The following TENM3 variants were observed in gnomAD, a reference collection of about 807,000 sequenced individuals.
TENM3 encodes teneurin transmembrane protein 3, also known as teneurin-3.
In TENM3, 63 loss-of-function variants were observed where a neutral mutation model predicts 255.1. The ratio of observed to expected loss-of-function variants is 0.25; its 90% confidence interval spans 0.20 to 0.30. TENM3 has a LOEUF of 0.30. Ranked by LOEUF, TENM3 falls within the 10% of genes least tolerant of loss-of-function variation. The pLI, the probability that TENM3 is intolerant of heterozygous loss-of-function variation, is 1.00. For synonymous variants in TENM3, 1,306 were observed against 1,322.3 expected (o/e 0.99, Z 0.27); for missense variants, 2,929 against 3,461.1 (o/e 0.85, Z 3.86).
the TENM3 span, among the ~76,000 whole-genome samples, chr4:181,711,934 G>A: frequency 7.9e-5 from 12 of 152,154 alleles, no homozygotes; most frequent in African/African-American, 2.7e-4. Context: ...AGCCTGGCCT[G>A]TGATCAGCTC....
At chr4:182,227,224 T>C (rs1020941318) in intron 1 of TENM3, among the ~76,000 whole-genome samples, 1 of 152,184 alleles carries the variant, frequency 6.6e-6, no homozygotes, top group African/African-American at 2.4e-5. Flanking sequence ...GAGTGGACAG[T>C]GCAGTACTGC....
intron 5 of TENM3, among the ~76,000 whole-genome samples, chr4:182,641,211 C>G (rs1363717468): frequency 1.3e-5 from 2 of 152,218 alleles, no homozygotes; most frequent in Non-Finnish European, 2.9e-5. Context: ...CAAACACACA[C>G]ACGTATACAC....
intron 3 of TENM3, among the ~76,000 whole-genome samples, chr4:182,429,716 C>T (rs980344033): frequency 3.9e-5 from 6 of 152,232 alleles, no homozygotes; most frequent in African/African-American, 1.2e-4. Context: ...TTGTATTAAC[C>T]ATGGTAATTC....
intron 1 of TENM3, among the ~76,000 whole-genome samples, chr4:182,168,233 C>G (rs149148496): frequency 4.9e-4 from 75 of 152,034 alleles, no homozygotes; most frequent in African/African-American, 1.8e-3. Context: ...CTCTGGGGCT[C>G]AAACAATTCT....
chr4:181,994,647 A>G, the TENM3 span, among the ~76,000 whole-genome samples: 2 of 150,192 alleles, frequency 1.3e-5, no homozygotes, highest in African/African-American at 4.9e-5. Context: ...AAATCTATAA[A>G]CTGAACATTT....
At chr4:182,510,276 T>G (rs1737256245) in intron 3 of TENM3, among the ~76,000 whole-genome samples, 1 of 152,174 alleles carries the variant, frequency 6.6e-6, no homozygotes, top group African/African-American at 2.4e-5. Context: ...TCATTTCCTC[T>G]CCATCAGTAC....
the TENM3 span, among the ~76,000 whole-genome samples, chr4:181,718,538 C>A: frequency 6.6e-6 from 1 of 152,136 alleles, no homozygotes; most frequent in Non-Finnish European, 1.5e-5. Context: ...AATGCCACAG[C>A]TAGTAAGAGA....
chr4:181,835,209 A>G, the TENM3 span: 1 of 152,222 alleles, frequency 6.6e-6, no homozygotes, highest in Non-Finnish European at 1.5e-5. Context: ...GAAGGGTTAT[A>G]TGTACTCTGA....
intron 1 of TENM3, among the ~76,000 whole-genome samples, chr4:182,219,946 G>T (rs766111712): frequency 7.2e-5 from 11 of 152,254 alleles, no homozygotes; most frequent in East Asian, 3.9e-4. Context: ...GCCTCTGTAT[G>T]TATTTGGTTT....
At chr4:181,476,205 G>GTTTTTTTTTTTTTTTTTTT in the TENM3 span, among the ~76,000 whole-genome samples, 1 of 98,016 alleles carries the variant, frequency 1.0e-5, no homozygotes, top group African/African-American at 2.9e-5. Flanking sequence ...ACATTTTAGG[G>GTTTTTTTTTTTTTTTTTTT]GTTTTTTTTT....
chr4:182,755,700 C>T (rs768510784), intron 22 of TENM3, among the ~76,000 whole-genome samples: 48 of 152,106 alleles, frequency 3.2e-4, no homozygotes, highest in South Asian at 6.2e-4. Flanking sequence ...AATAGCCGGG[C>T]GTGGTGGCGG....
chr4:181,840,263 T>G, the TENM3 span, among the ~76,000 whole-genome samples: 1 of 152,140 alleles, frequency 6.6e-6, no homozygotes, highest in Non-Finnish European at 1.5e-5. Flanking sequence ...TTTGACTTTT[T>G]GAGACATTTT....
intron 1 of TENM3, among the ~76,000 whole-genome samples, chr4:182,221,588 G>A (rs1173381279): frequency 6.6e-6 from 1 of 152,116 alleles, no homozygotes; most frequent in African/African-American, 2.4e-5. Context: ...ACTAATACAT[G>A]TTCAGCTGCC....
At chr4:181,522,196 T>G in the TENM3 span, among the ~76,000 whole-genome samples, 1 of 151,302 alleles carries the variant, frequency 6.6e-6, no homozygotes, top group Non-Finnish European at 1.5e-5. Context: ...AGATACATCA[T>G]TATACTTAAA....
At chr4:182,612,746 G>GACACAC (rs34378103) in intron 4 of TENM3, among the ~76,000 whole-genome samples, 2 of 150,756 alleles carry the variant, frequency 1.3e-5, no homozygotes, top group Non-Finnish European at 3.0e-5. Flanking sequence ...AATACACACA[G>GACACAC]ACACACACAC....
chr4:181,734,312 T>A, the TENM3 span, among the ~76,000 whole-genome samples: 1 of 150,326 alleles, frequency 6.7e-6, no homozygotes, highest in African/African-American at 2.4e-5. Context: ...TTTTGCTCAT[T>A]TTTTTTTTAA....
the TENM3 span, among the ~76,000 whole-genome samples, chr4:182,000,511 C>T: frequency 2.6e-5 from 4 of 152,190 alleles, no homozygotes; most frequent in African/African-American, 9.6e-5. Context: ...CTCTACTTAT[C>T]CCTTGCAAGC....
intron 3 of TENM3, among the ~76,000 whole-genome samples, chr4:182,485,953 C>A (rs999521740): frequency 2.1e-4 from 32 of 152,068 alleles, no homozygotes; most frequent in Non-Finnish European, 2.4e-4. Flanking sequence ...TAGAGACCTA[C>A]TGGAGGAAAT....
chr4:181,663,224 T>C, the TENM3 span, among the ~76,000 whole-genome samples: 1 of 152,168 alleles, frequency 6.6e-6, no homozygotes, highest in African/African-American at 2.4e-5. Flanking sequence ...GTGGAACTCT[T>C]CCTTTTCCTG....
Sources: allele counts gnomAD v4.1 joint callset (sites outside exome capture counted in the v4.1 genomes callset), GRCh38; gene constraint gnomAD v4.1.1; transcripts MANE v1.5; gene names NCBI Gene and HGNC (gene_info 2026-07-23, HGNC 2026-07-21).